TBC1D19: variants seen among roughly 807,000 people sequenced by gnomAD.
The protein encoded by TBC1D19 is TBC1 domain family member 19.
TBC1D19 carries 60 observed loss-of-function variants against 89.0 expected under a neutral mutation model. The ratio of observed to expected loss-of-function variants is 0.67; its 90% confidence interval spans 0.55 to 0.84. The LOEUF is 0.84. TBC1D19 is among the 40% of genes least tolerant of loss of function. The pLI is 0.00. For missense variants in TBC1D19, 500 were observed against 610.8 expected (o/e 0.82, Z 1.91); for synonymous variants, 189 against 199.7 (o/e 0.95, Z 0.45).
intron 8 of TBC1D19, among the ~76,000 whole-genome samples, chr4:26,662,151 T>C (rs1169472634): frequency 6.6e-6 from 1 of 152,208 alleles, no homozygotes. Flanking sequence ...GCAATAGTGA[T>C]GGGAGAAGGT....
At chr4:26,620,544 C>A in intron 3 of TBC1D19, 69 bp from the exon 4 acceptor site, 1 of 1,285,656 alleles carries the variant, frequency 7.8e-7, no homozygotes, top group Non-Finnish European at 1.1e-6. Context: ...ATAACATGGA[C>A]TACAGAGGTA....
At chr4:26,857,587 G>C in the TBC1D19 span, 1 of 152,178 alleles carries the variant, frequency 6.6e-6, no homozygotes, top group African/African-American at 2.4e-5. Flanking sequence ...CCCACAGAGT[G>C]GGAGCCGGAA....
At chr4:26,581,281 A>G (rs990250984), upstream of TBC1D19, among the ~76,000 whole-genome samples, 9 of 152,172 alleles carry the variant, frequency 5.9e-5, no homozygotes, top group African/African-American at 2.2e-4. Context: ...ATAGGTATAC[A>G]TGTACCATGG....
At chr4:26,651,061 T>C (rs1744332996) in intron 7 of TBC1D19, among the ~76,000 whole-genome samples, 1 of 152,220 alleles carries the variant, frequency 6.6e-6, no homozygotes, top group Non-Finnish European at 1.5e-5. Flanking sequence ...CTCTGTTCTG[T>C]TCCATTGGTC....
At chr4:26,601,148 T>C (rs1000872651) in intron 1 of TBC1D19, among the ~76,000 whole-genome samples, 1 of 151,812 alleles carries the variant, frequency 6.6e-6, no homozygotes, top group Non-Finnish European at 1.5e-5. Flanking sequence ...TATATATACA[T>C]ATATACATAG....
chr4:26,671,852 C>T (rs1200341603), intron 9 of TBC1D19, among the ~76,000 whole-genome samples: 1 of 151,574 alleles, frequency 6.6e-6, no homozygotes, highest in Non-Finnish European at 1.5e-5. Context: ...TGATTAAATG[C>T]TCATAACTGT....
At chr4:26,680,662 A>G (rs893525952) in intron 11 of TBC1D19, among the ~76,000 whole-genome samples, 2 of 152,168 alleles carry the variant, frequency 1.3e-5, no homozygotes, top group African/African-American at 4.8e-5. Context: ...CACCCCCACT[A>G]CATAACTACA....
At chr4:26,781,995 A>T in the TBC1D19 span, among the ~76,000 whole-genome samples, 1 of 152,228 alleles carries the variant, frequency 6.6e-6, no homozygotes, top group Non-Finnish European at 1.5e-5. Context: ...ATGAAGAGGA[A>T]AGCAAGCACA....
At chr4:26,816,995 C>T in the TBC1D19 span, among the ~76,000 whole-genome samples, 5 of 152,172 alleles carry the variant, frequency 3.3e-5, no homozygotes, top group Admixed American at 2.0e-4. Flanking sequence ...CTAGATTCTA[C>T]GTGCTTCTGG....
chr4:26,754,786 T>C (rs1719177486), intron 20 of TBC1D19, 87 bp from the exon 21 acceptor site: 1 of 991,080 alleles, frequency 1.0e-6, no homozygotes, highest in East Asian at 2.8e-5. Context: ...AGAAGGAGCT[T>C]AGTGTCAAAA....
downstream of TBC1D19, among the ~76,000 whole-genome samples, chr4:26,756,409 G>A (rs769635303): frequency 3.9e-5 from 6 of 152,110 alleles, no homozygotes; most frequent in Non-Finnish European, 7.4e-5. Context: ...TTCTTTAGGA[G>A]AATATGCATT....
intron 7 of TBC1D19, among the ~76,000 whole-genome samples, chr4:26,647,262 G>T (rs1200593725): frequency 6.6e-6 from 1 of 152,176 alleles, no homozygotes; most frequent in African/African-American, 2.4e-5. Flanking sequence ...GAGGAACAGG[G>T]CTGTTAGTGA....
chr4:26,798,508 T>TA, the TBC1D19 span, among the ~76,000 whole-genome samples: 1 of 152,098 alleles, frequency 6.6e-6, no homozygotes, highest in East Asian at 1.9e-4. Flanking sequence ...CTCAAAGAAC[T>TA]AAAAACAGAA....
chr4:26,824,928 A>G, the TBC1D19 span, among the ~76,000 whole-genome samples: 1 of 152,196 alleles, frequency 6.6e-6, no homozygotes, highest in South Asian at 2.1e-4. Flanking sequence ...GTTTAACGAT[A>G]TACATTGCCA....
the TBC1D19 span, among the ~76,000 whole-genome samples, chr4:26,839,775 G>C: frequency 6.6e-6 from 1 of 152,092 alleles, no homozygotes; most frequent in East Asian, 1.9e-4. Context: ...GTCTCCTCCT[G>C]GTTGACCTTC....
the TBC1D19 span, among the ~76,000 whole-genome samples, chr4:26,820,735 T>C: frequency 1.3e-5 from 2 of 152,166 alleles, no homozygotes; most frequent in African/African-American, 4.8e-5. Flanking sequence ...CTATATGTAG[T>C]TTTTTTGAGG....
At chr4:26,768,864 A>G in the TBC1D19 span, among the ~76,000 whole-genome samples, 2 of 152,118 alleles carry the variant, frequency 1.3e-5, no homozygotes, top group East Asian at 1.9e-4. Context: ...CTTGTAATTG[A>G]AATCTCCAAA....
At chr4:26,645,852 G>A (rs1321019323) in intron 7 of TBC1D19, among the ~76,000 whole-genome samples, 6 of 152,032 alleles carry the variant, frequency 3.9e-5, no homozygotes, top group African/African-American at 7.2e-5. Context: ...GGCCGGGCGC[G>A]GTGGCTCACG....
At chr4:26,709,909 C>G (rs1388798295) in intron 13 of TBC1D19, among the ~76,000 whole-genome samples, 2 of 151,924 alleles carry the variant, frequency 1.3e-5, no homozygotes, top group African/African-American at 4.8e-5. Flanking sequence ...GATGAAGAAG[C>G]AGAGGCTTAG....
Sources: gnomAD v4.1 joint callset for allele counts (sites outside exome capture counted in the v4.1 genomes callset) on GRCh38, gnomAD v4.1.1 for gene constraint, MANE v1.5 for transcripts, NCBI Gene and HGNC (gene_info 2026-07-23, HGNC 2026-07-21) for gene names.